Variants in TTLL9 observed in about 807,000 individuals in gnomAD.
TTLL9 encodes tubulin tyrosine ligase like 9, also known as probable tubulin polyglutamylase TTLL9.
A neutral mutation model predicts 65.6 loss-of-function variants in TTLL9; 47 were observed. The observed-to-expected ratio is 0.72, with a 90% confidence interval of 0.57 to 0.91. The LOEUF (loss-of-function observed/expected upper bound fraction) is 0.91, where lower values mean the gene tolerates loss of function less well. TTLL9 is among the 40% of genes least tolerant of loss of function. TTLL9 has a pLI of 0.00. For synonymous variants in TTLL9, 179 were observed against 204.8 expected, an observed-to-expected ratio of 0.87 and a Z score of 1.07; for missense variants, 537 against 568.8, an observed-to-expected ratio of 0.94 and a Z score of 0.57.
Position 31,887,332 on chromosome 20 carries a change from C to A in TTLL9, c.113+93C>A, listed in dbSNP as rs937983336. 94 of 1,351,440 alleles carry A rather than the reference C, an allele frequency of 7.0e-5. No homozygotes were observed. The African/African-American group carries it at 1.1e-3, about 16-fold the overall frequency. 83.7% of individuals were successfully genotyped at this position (1,351,440 alleles called of 1,614,324 possible). ...TCCCTCTCTCCCTTTTCTACTTCAA[C>A]AATTATAATGAAAATGATAGTAGAA... On this transcript the variant is annotated intron_variant, in intron 3 of 14. Transcript: ENST00000535842.
chr20:31,933,866 A>G lies in TTLL9; in HGVS notation c.807+8A>G, dbSNP rs1346496905. 27 of 1,613,720 alleles carry G rather than the reference A, an allele frequency of 1.7e-5. No individual in the cohort carries two copies. The highest frequency in any genetic ancestry group is 2.0e-5 in the Non-Finnish European group (24 of 1,179,792). ...GACTACCACCCAAAGAAGGTGAGGAAGCCGGGCTCGGCTATGCACGGGTAC... is the reference window on the plus strand; with the variant it reads ...GACTACCACCCAAAGAAGGTGAGGAGGCCGGGCTCGGCTATGCACGGGTAC... On this transcript the variant is annotated splice_region_variant and intron_variant, in intron 11 of 14. Transcript: ENST00000535842.
intron 6 of TTLL9, among the ~76,000 whole-genome samples, chr20:31,914,658 C>T (rs902240733): frequency 2.6e-5 from 4 of 151,956 alleles, no homozygotes; most frequent in East Asian, 1.9e-4. Flanking sequence ...TCCAAGGAAG[C>T]GAAGAAAGAA....
At chr20:31,897,718 G>A (rs2063407329) in intron 3 of TTLL9, among the ~76,000 whole-genome samples, 1 of 152,008 alleles carries the variant, frequency 6.6e-6, no homozygotes, top group Non-Finnish European at 1.5e-5. Context: ...ACCGAGCGGG[G>A]GTGTTGGGTG....
At chr20:31,881,088 T>C (rs1365131470) in intron 2 of TTLL9, among the ~76,000 whole-genome samples, 4 of 152,064 alleles carry the variant, frequency 2.6e-5, no homozygotes, top group Non-Finnish European at 5.9e-5. Context: ...TGTCTGGAAC[T>C]CTTGGCCTCA....
At chr20:31,921,099 C>T (rs997367801) in intron 7 of TTLL9, among the ~76,000 whole-genome samples, 13 of 152,290 alleles carry the variant, frequency 8.5e-5, no homozygotes, top group African/African-American at 1.9e-4. Context: ...CTCTCCAATG[C>T]GGTGACCACT....
intron 6 of TTLL9, 137 bp from the exon 7 acceptor site, chr20:31,919,727 G>C (rs1429528461): frequency 1.6e-6 from 1 of 611,198 alleles, no homozygotes; most frequent in African/African-American, 1.9e-5. Flanking sequence ...AGCCCCTTCA[G>C]CTAGCCTTCC....
chr20:31,885,744 C>T (rs925750823), intron 2 of TTLL9, among the ~76,000 whole-genome samples: 7 of 152,168 alleles, frequency 4.6e-5, no homozygotes, highest in African/African-American at 1.7e-4. Context: ...AGAGTACATG[C>T]CTTGTACAAT....
At chr20:31,886,627 C>T (rs1047895399) in intron 2 of TTLL9, among the ~76,000 whole-genome samples, 6 of 152,158 alleles carry the variant, frequency 3.9e-5, no homozygotes, top group African/African-American at 4.8e-5. Flanking sequence ...CCAGACAAGC[C>T]TGGCCAACAT....
chr20:31,890,019 TTTCTTTCTTTC>T (rs2063270190), intron 3 of TTLL9, among the ~76,000 whole-genome samples: 21 of 136,272 alleles, frequency 1.5e-4, no homozygotes, highest in Admixed American at 1.5e-3. Context: ...TCTTTCTTTC[TTTCTTTCTTTC>T]TTTCCTTCCT....
intron 4 of TTLL9, among the ~76,000 whole-genome samples, chr20:31,903,354 A>G (rs1206362028): frequency 6.6e-6 from 1 of 152,222 alleles, no homozygotes; most frequent in Non-Finnish European, 1.5e-5. Context: ...TTCGAGTTAT[A>G]AGAATTTTAT....
intron 7 of TTLL9, among the ~76,000 whole-genome samples, chr20:31,922,684 GCAGCAC>G (rs1397922397): frequency 2.6e-5 from 4 of 152,210 alleles, no homozygotes; most frequent in African/African-American, 7.2e-5. Context: ...GCCCTACTGG[GCAGCAC>G]CAGTCTAGAG....
intron 3 of TTLL9, among the ~76,000 whole-genome samples, chr20:31,897,628 C>G (rs529084871): frequency 6.6e-6 from 1 of 152,298 alleles, no homozygotes; most frequent in South Asian, 2.1e-4. Context: ...ATGGTCTCCA[C>G]TGCTGCAGTG....
chr20:31,914,974 A>G (rs549029765), intron 6 of TTLL9, among the ~76,000 whole-genome samples: 1 of 152,364 alleles, frequency 6.6e-6, no homozygotes, highest in East Asian at 1.9e-4. Flanking sequence ...TATTTGTGCT[A>G]TAGAAATATG....
At chr20:31,896,401 G>A (rs1378651980) in intron 3 of TTLL9, among the ~76,000 whole-genome samples, 1 of 152,196 alleles carries the variant, frequency 6.6e-6, no homozygotes, top group Non-Finnish European at 1.5e-5. Context: ...AGTTGATGAA[G>A]TTCCTCTCAG....
chr20:31,925,994 C>G, intron 9 of TTLL9, 55 bp from the exon 10 acceptor site: 5 of 1,609,758 alleles, frequency 3.1e-6, no homozygotes, highest in Non-Finnish European at 4.2e-6. Context: ...ACCCCCGACA[C>G]ACCTACCCCT....
In TTLL9 at chr20:31,887,181, C is replaced by G. The variant is rs2063203151; in HGVS notation, c.70-15C>G. The G allele has an allele frequency of 3.1e-6, 5 of 1,614,042 alleles. No individual in the cohort carries two copies. The highest frequency in any genetic ancestry group is 4.2e-6 in the Non-Finnish European group (5 of 1,179,914). The stretch of plus-strand genomic sequence containing the variant: ...ATACAAAACCAGTTACATCCTTTTC[C>G]TTTCCTCATTGCAGAACCAAAATTA... On this transcript the variant is annotated splice_polypyrimidine_tract_variant and intron_variant, in intron 2 of 14. Coordinates refer to ENST00000535842, the MANE Select transcript of TTLL9 (RefSeq NM_001008409.5).
At chr20:31,884,124 T>C in intron 2 of TTLL9, 1 of 481,274 alleles carries the variant, frequency 2.1e-6, no homozygotes, top group Non-Finnish European at 3.8e-6. Context: ...AAATCAGTTA[T>C]ACTTCTATAT....
intron 11 of TTLL9, among the ~76,000 whole-genome samples, chr20:31,934,148 G>A (rs1451543211): frequency 2.0e-5 from 3 of 152,220 alleles, no homozygotes; most frequent in African/African-American, 7.2e-5. Flanking sequence ...CGGATTAATC[G>A]ATTAATGTAA....
intron 7 of TTLL9, 99 bp from the exon 8 acceptor site, chr20:31,922,864 A>T: frequency 1.1e-6 from 1 of 915,230 alleles, no homozygotes; most frequent in South Asian, 1.4e-5. Flanking sequence ...GTTGATTTAA[A>T]GATTCAGTGA....
Sources: allele counts gnomAD v4.1 joint callset (sites outside exome capture counted in the v4.1 genomes callset), GRCh38; gene constraint gnomAD v4.1.1; transcripts MANE v1.5; gene names NCBI Gene and HGNC (gene_info 2026-07-23, HGNC 2026-07-21).